FAM20C: variants seen among roughly 807,000 people sequenced by gnomAD.
FAM20C encodes FAM20C golgi associated secretory pathway kinase.
In FAM20C, 40 loss-of-function variants were observed where a neutral mutation model predicts 51.5. That is an observed-to-expected ratio of 0.78 (90% confidence interval 0.60 to 1.01). FAM20C has a LOEUF of 1.01. FAM20C is among the 50% of genes least tolerant of loss of function. The pLI is 0.00. For missense variants in FAM20C, 861 were observed against 844.7 expected, an observed-to-expected ratio of 1.02 and a Z score of -0.24; for synonymous variants, 406 against 380.6, an observed-to-expected ratio of 1.07 and a Z score of -0.78.
At chr7:259,110 C>CAGGG (rs1331061908) in intron 9 of FAM20C, among the ~76,000 whole-genome samples, 2 of 152,238 alleles carry the variant, frequency 1.3e-5, no homozygotes, top group African/African-American at 4.8e-5. Context: ...CGCAGGCTTG[C>CAGGG]AGGGCAAACG....
intron 3 of FAM20C, among the ~76,000 whole-genome samples, chr7:224,197 G>C (rs1787371940): frequency 1.5e-5 from 2 of 132,286 alleles, no homozygotes; most frequent in Non-Finnish European, 1.7e-5. Flanking sequence ...CCGTCACGGG[G>C]TCGCACGGCG....
At chr7:218,270 T>G (rs1261968030) in intron 3 of FAM20C, among the ~76,000 whole-genome samples, 1 of 152,212 alleles carries the variant, frequency 6.6e-6, no homozygotes, top group African/African-American at 2.4e-5. Context: ...TTCCGGCAGC[T>G]CCTCGCCCTG....
chr7:202,699 C>A (rs1047701942), intron 2 of FAM20C, among the ~76,000 whole-genome samples: 45 of 82,524 alleles, frequency 5.5e-4, no homozygotes, highest in Middle Eastern at 8.8e-3. Context: ...GTGTGCATAG[C>A]GAGGACGGGT....
At chr7:242,138 G>A (rs941772684) in intron 3 of FAM20C, among the ~76,000 whole-genome samples, 4 of 152,100 alleles carry the variant, frequency 2.6e-5, no homozygotes, top group East Asian at 1.9e-4. Flanking sequence ...CTACTGAGAC[G>A]TCCACATCAC....
intron 3 of FAM20C, chr7:228,285 G>A: frequency 2.8e-6 from 1 of 363,538 alleles, no homozygotes; most frequent in South Asian, 2.0e-5. Flanking sequence ...GCTCAGTGCT[G>A]CCTGTCCCCA....
At chr7:232,290 G>A (rs1787723573) in intron 3 of FAM20C, among the ~76,000 whole-genome samples, 1 of 152,208 alleles carries the variant, frequency 6.6e-6, no homozygotes, top group African/African-American at 2.4e-5. Context: ...GTGGCTACCT[G>A]TCTGTTCTCC....
At chr7:201,055 G>A (rs559853786) in intron 2 of FAM20C, among the ~76,000 whole-genome samples, 11 of 152,362 alleles carry the variant, frequency 7.2e-5, no homozygotes, top group African/African-American at 2.6e-4. Flanking sequence ...GCTTGGAGAT[G>A]TGTGCGGTGG....
At chr7:256,450 G>T in intron 6 of FAM20C, 3 of 594,464 alleles carry the variant, frequency 5.0e-6, no homozygotes, top group Non-Finnish European at 9.0e-6. Flanking sequence ...GCTCCAGGTG[G>T]GGTCACCCCG....
At chr7:257,334 G>A (rs995733554) in intron 8 of FAM20C, 21 of 540,092 alleles carry the variant, frequency 3.9e-5, no homozygotes, top group African/African-American at 3.6e-4. Context: ...CAGAGCTGGT[G>A]TTACCTGGGA....
intron 1 of FAM20C, among the ~76,000 whole-genome samples, chr7:194,772 G>GCC (rs1156926477): frequency 1.7e-5 from 2 of 117,482 alleles, no homozygotes; most frequent in African/African-American, 7.5e-5. Context: ...GTGTATCCTA[G>GCC]CCCCCCACCC....
At chr7:214,468 G>A (rs1786870147) in intron 3 of FAM20C, among the ~76,000 whole-genome samples, 2 of 152,218 alleles carry the variant, frequency 1.3e-5, no homozygotes, top group South Asian at 4.1e-4. Flanking sequence ...ACGTTTGAAT[G>A]CTGAAAGCAC....
chr7:236,252 G>A (rs1787845939), intron 3 of FAM20C, among the ~76,000 whole-genome samples: 1 of 151,200 alleles, frequency 6.6e-6, no homozygotes, highest in East Asian at 1.9e-4. Flanking sequence ...GGTGAGAGTC[G>A]GCCTGCTGGT....
rs1267506928 is a variant in FAM20C, at chr7:193,694, C to T, written c.495C>T (p.Phe165=). Residue 165 remains phenylalanine, a synonymous_variant, in exon 1 of 10, where the codon TTC becomes TTT. Transcript: ENST00000313766. ...ACGCCTCCCTCCTGGCCAGGCTGTT[C>T]GAGCACCCGCTTTACCGGGTGGCGG... is the stretch of plus-strand genomic sequence containing the variant. ...GGDASLLARL[F]EHPLYRVAVP... 1 of 1,545,396 alleles carries T rather than the reference C, an allele frequency of 6.5e-7. No individual in the cohort carries two copies. Among genetic ancestry groups the T allele is most frequent in the South Asian group, 1.2e-5 (1 of 83,730 alleles).
rs765837707 is a variant in FAM20C, at chr7:247,565, G to A, written c.957-750G>A. ...CGCGGGCGTACATTGGAGTTTAAAG[G>A]GCTTTTTTAAAGATCAAAGTCTTCT... On this transcript the variant is annotated intron_variant, in intron 4 of 9. Coordinates refer to ENST00000313766, the MANE Select transcript of FAM20C (RefSeq NM_020223.4). Among the ~76,000 whole-genome samples, 6 of 152,276 alleles carry A rather than the reference G, an allele frequency of 3.9e-5. No individual in the cohort carries two copies. The East Asian group carries it at 5.8e-4, about 15-fold the overall frequency.
intron 3 of FAM20C, chr7:228,118 CTCAG>C: frequency 3.7e-6 from 1 of 268,730 alleles, no homozygotes; most frequent in South Asian, 4.3e-5. Context: ...GGACGGCGGG[CTCAG>C]TCAGGCGCAC....
chr7:193,371 C>G lies in FAM20C; in HGVS notation c.172C>G (p.Pro58Ala). 1 of 1,269,600 alleles carries G rather than the reference C, an allele frequency of 7.9e-7. No individual in the cohort carries two copies. The highest frequency in any genetic ancestry group is 9.9e-7 in the Non-Finnish European group (1 of 1,008,410). 78.6% of individuals were successfully genotyped at this position (1,269,600 alleles called of 1,614,324 possible). A position where few individuals can be genotyped will look rare whatever the true frequency, so the allele number is the denominator to read the frequency against. ...GCAGCCCGCCGCCGAGGTGGCCGCG[C>G]CCGGCTGGGCCCAGGTTCGGGGCCG... ...CAQPAAEVAA[P>A]GWAQVRGRPG... The change falls in exon 1 of 10, where the codon CCC becomes GCC. Residue 58 changes from proline (P) to alanine (A), a missense_variant. This residue lies in a region of FAM20C where 561 missense variants were observed against 499.8 expected (regional missense o/e 1.12). Coordinates refer to ENST00000313766, the MANE Select transcript of FAM20C (RefSeq NM_020223.4).
chr7:259,676 G>T (rs36156024), intron 9 of FAM20C, 55 bp from the exon 10 acceptor site: 2 of 1,449,738 alleles, frequency 1.4e-6, no homozygotes, highest in East Asian at 2.6e-5. Flanking sequence ...TCGCTTTCCC[G>T]TGGGCAGGCA....
chr7:254,771 A>G (rs1337030750), intron 5 of FAM20C, among the ~76,000 whole-genome samples: 1 of 152,204 alleles, frequency 6.6e-6, no homozygotes, highest in East Asian at 1.9e-4. Flanking sequence ...CTCACCCCGC[A>G]GCCCTCGACG....
intron 3 of FAM20C, among the ~76,000 whole-genome samples, chr7:234,170 C>T (rs1476086819): frequency 2.0e-5 from 3 of 152,222 alleles, no homozygotes; most frequent in Admixed American, 6.5e-5. Context: ...GAGGAGAGCA[C>T]GAGAGCCTTC....
Sources: gnomAD v4.1 joint callset for allele counts (sites outside exome capture counted in the v4.1 genomes callset) on GRCh38, gnomAD v4.1.1 for gene constraint, gnomAD v4.1.1 regional missense constraint, MANE v1.5 for transcripts, NCBI Gene and HGNC (gene_info 2026-07-23, HGNC 2026-07-21) for gene names.